FAM169A: variants seen among roughly 807,000 people sequenced by gnomAD.
FAM169A encodes soluble lamin-associated protein of 75 kDa.
In FAM169A, 24 loss-of-function variants were observed where a neutral mutation model predicts 75.7. The ratio of observed to expected loss-of-function variants is 0.32; its 90% CI spans 0.23 to 0.45. The LOEUF is 0.45. Ranked by LOEUF, FAM169A falls within the 20% of genes least tolerant of loss-of-function variation. The pLI is 1.00. For synonymous variants in FAM169A, 271 were observed against 271.0 expected (o/e 1.00, Z 0.00); for missense variants, 673 against 784.0 (o/e 0.86, Z 1.69).
intron 10 of FAM169A, among the ~76,000 whole-genome samples, chr5:74,797,750 A>T (rs188935099): frequency 2.6e-5 from 4 of 152,292 alleles, no homozygotes; most frequent in South Asian, 4.1e-4. Flanking sequence ...CACTGCAGAA[A>T]GTTCTATTTC....
intron 5 of FAM169A, among the ~76,000 whole-genome samples, chr5:74,827,826 C>T (rs1208123910): frequency 6.6e-6 from 1 of 150,472 alleles, no homozygotes; most frequent in Non-Finnish European, 1.5e-5. Flanking sequence ...TCATGCCCGG[C>T]TAATTTTTGT....
At chr5:74,788,823 C>A (rs1401342275) in intron 11 of FAM169A, among the ~76,000 whole-genome samples, 2 of 152,172 alleles carry the variant, frequency 1.3e-5, no homozygotes, top group Non-Finnish European at 2.9e-5. Flanking sequence ...CCCATCACAT[C>A]ACGGTTCAAC....
At position 74,778,091 on chromosome 5, in the gene FAM169A, G is replaced by A. The variant is rs1372185492; in HGVS notation, c.*3369C>T. The A allele has an allele frequency of 6.6e-6, 1 of 151,858 alleles. No homozygotes were observed. The highest frequency in any genetic ancestry group is 1.5e-5 in the Non-Finnish European group (1 of 67,880). The allele number at this position is 151,858 out of a possible 1,614,324, so 9.4% of individuals were successfully genotyped here. On this transcript the variant is annotated 3_prime_UTR_variant, in exon 13 of 13. Coordinates refer to ENST00000687041, the MANE Select transcript of FAM169A (RefSeq NM_001376049.1). Reference sequence around the variant, plus strand: ...AAAATACTGACTCCAGGTAATTTCTGGATACTACAAAAATGAAGTTTGCTT... The same window carrying A: ...AAAATACTGACTCCAGGTAATTTCTAGATACTACAAAAATGAAGTTTGCTT...
chr5:74,801,748 T>C (rs568356984), intron 8 of FAM169A, 119 bp from the exon 9 acceptor site: 3 of 725,414 alleles, frequency 4.1e-6, no homozygotes. Context: ...CACTTTTTGT[T>C]AACAACATTT....
intron 3 of FAM169A, 74 bp downstream of exon 3, chr5:74,840,000 A>G (rs1314994219): frequency 2.7e-6 from 2 of 746,126 alleles, no homozygotes; most frequent in African/African-American, 1.8e-5. Context: ...TCCTTCATGT[A>G]GCTACCTTTT....
intron 1 of FAM169A, among the ~76,000 whole-genome samples, chr5:74,863,637 C>T (rs896318309): frequency 6.6e-6 from 1 of 152,124 alleles, no homozygotes; most frequent in Non-Finnish European, 1.5e-5. Context: ...AGGCTTAAAA[C>T]GGAGTATTTA....
At chr5:74,795,952 C>T in intron 11 of FAM169A, 78 bp downstream of exon 11, 1 of 1,449,948 alleles carries the variant, frequency 6.9e-7, no homozygotes, top group Non-Finnish European at 9.4e-7. Context: ...TATCGCTATA[C>T]TTTTCTAACA....
At chr5:74,786,797 C>T (rs1166719635) in intron 11 of FAM169A, among the ~76,000 whole-genome samples, 2 of 152,122 alleles carry the variant, frequency 1.3e-5, no homozygotes, top group Admixed American at 6.5e-5. Flanking sequence ...TGACCTGCAA[C>T]GAAAGGTGCA....
chr5:74,823,747 T>C (rs1349524967), intron 5 of FAM169A, among the ~76,000 whole-genome samples: 1 of 152,064 alleles, frequency 6.6e-6, no homozygotes, highest in African/African-American at 2.4e-5. Context: ...AGCCACAGAG[T>C]AGTACGGGAC....
chr5:74,804,018 T>C lies in FAM169A; in HGVS notation c.912+475A>G, dbSNP rs149460531. Among the ~76,000 whole-genome samples, 663 of 152,258 alleles carry C rather than the reference T, an allele frequency of 4.4e-3. 10 individuals carry two copies. Among genetic ancestry groups the C allele is most frequent in the African/African-American group, 0.015 (625 of 41,582 alleles). On this transcript the variant is annotated intron_variant, in intron 8 of 12. Coordinates refer to ENST00000687041, the MANE Select transcript of FAM169A (RefSeq NM_001376049.1). Reference sequence around the variant, plus strand: ...TTACATAAAATAGATAATAGAATAGTGTGCTGCTATGTAACAATCACATTT... The same window carrying C: ...TTACATAAAATAGATAATAGAATAGCGTGCTGCTATGTAACAATCACATTT...
chr5:74,824,810 C>T, intron 5 of FAM169A, among the ~76,000 whole-genome samples: 1 of 151,966 alleles, frequency 6.6e-6, no homozygotes, highest in East Asian at 1.9e-4. Flanking sequence ...GTATTTACTT[C>T]TACTTCTCTA....
chr5:74,858,768 T>C (rs1320638313), intron 1 of FAM169A, among the ~76,000 whole-genome samples: 1 of 151,940 alleles, frequency 6.6e-6, no homozygotes, highest in Non-Finnish European at 1.5e-5. Context: ...AAAAAAAAAT[T>C]TGGGTACTTT....
intron 5 of FAM169A, among the ~76,000 whole-genome samples, chr5:74,834,198 ATCT>A (rs941124873): frequency 3.9e-5 from 6 of 152,176 alleles, no homozygotes; most frequent in African/African-American, 1.2e-4. Context: ...ATATGGAGAA[ATCT>A]TCTTCGGGAT....
At chr5:74,822,660 C>T (rs560793380) in intron 5 of FAM169A, among the ~76,000 whole-genome samples, 6 of 152,300 alleles carry the variant, frequency 3.9e-5, no homozygotes, top group African/African-American at 7.2e-5. Flanking sequence ...ATCTCATCCA[C>T]GCTGTAAAAT....
rs1012823720 is a variant in FAM169A, at chr5:74,832,587, A to T, written c.490+1839T>A. Among the ~76,000 whole-genome samples, 4 of 150,096 alleles carry T rather than the reference A, an allele frequency of 2.7e-5. No homozygotes were observed. In the Admixed American group the frequency reaches 2.7e-4, roughly 10 times the overall value. On this transcript the variant is annotated intron_variant, in intron 5 of 12. Transcript: ENST00000687041. Reference sequence around the variant, plus strand: ...AAAAATATTACATACATATCAGTATATATATGAAATATGTTTATATAAATA... The same window carrying T: ...AAAAATATTACATACATATCAGTATTTATATGAAATATGTTTATATAAATA...
intron 5 of FAM169A, among the ~76,000 whole-genome samples, chr5:74,817,869 T>C (rs6859631): frequency 0.011 from 1,616 of 152,278 alleles, 31 homozygotes; most frequent in African/African-American, 0.037. Context: ...TTATGGTCAA[T>C]TGATTTTCAA....
intron 11 of FAM169A, among the ~76,000 whole-genome samples, chr5:74,793,353 T>C (rs1746078466): frequency 6.7e-6 from 1 of 148,508 alleles, no homozygotes; most frequent in African/African-American, 2.5e-5. Context: ...GTGGTATATA[T>C]AGACCATGGA....
intron 5 of FAM169A, among the ~76,000 whole-genome samples, chr5:74,819,896 CAG>C (rs1354229693): frequency 2.0e-5 from 3 of 151,472 alleles, no homozygotes; most frequent in South Asian, 2.1e-4. Flanking sequence ...TGCTAATGAA[CAG>C]AGTTTCTTTA....
intron 8 of FAM169A, 147 bp from the exon 9 acceptor site, chr5:74,801,776 G>A (rs937159896): frequency 1.5e-6 from 1 of 653,240 alleles, no homozygotes; most frequent in Admixed American, 2.8e-5. Flanking sequence ...AAATAAAAAG[G>A]TTATAGTTCA....
Sources: gnomAD v4.1 joint callset for allele counts (sites outside exome capture counted in the v4.1 genomes callset) on GRCh38, gnomAD v4.1.1 for gene constraint, MANE v1.5 for transcripts, NCBI Gene and HGNC (gene_info 2026-07-23, HGNC 2026-07-21) for gene names.